FGF12: variants seen among roughly 807,000 people sequenced by gnomAD.
FGF12 encodes fibroblast growth factor 12B.
Under a neutral mutation model 23.6 loss-of-function variants are expected in FGF12, and 14 were observed. The observed-to-expected ratio is 0.59, with a 90% CI of 0.39 to 0.93. The LOEUF is 0.93. Ranked by LOEUF, FGF12 falls within the 40% of genes least tolerant of loss-of-function variation. The pLI is 0.00. For synonymous variants in FGF12, 62 were observed against 77.3 expected, an observed-to-expected ratio of 0.80 and a Z score of 1.04; for missense variants, 175 against 217.8, an observed-to-expected ratio of 0.80 and a Z score of 1.24.
At chr3:192,172,384 C>A (rs917472990) in intron 4 of FGF12, among the ~76,000 whole-genome samples, 1 of 147,600 alleles carries the variant, frequency 6.8e-6, no homozygotes, top group African/African-American at 2.6e-5. Flanking sequence ...TGAAATGGAT[C>A]TCAACCCCCC....
At chr3:192,379,421 TA>T (rs74271639) in intron 2 of FGF12, among the ~76,000 whole-genome samples, 18,690 of 96,228 alleles carry the variant, frequency 0.19, 1,196 homozygotes, top group Middle Eastern at 0.27. Flanking sequence ...GAAACTGCTC[TA>T]AAAAAAAAAA....
chr3:192,350,899 C>T (rs1303608276), intron 3 of FGF12, among the ~76,000 whole-genome samples: 2 of 152,144 alleles, frequency 1.3e-5, no homozygotes, highest in Non-Finnish European at 2.9e-5. Flanking sequence ...TAGGCTGATG[C>T]GGGGAAGCTT....
At chr3:192,623,778 T>G (rs934879820) in intron 2 of FGF12, among the ~76,000 whole-genome samples, 1 of 152,182 alleles carries the variant, frequency 6.6e-6, no homozygotes, top group African/African-American at 2.4e-5. Context: ...CTTCACCAAC[T>G]TCACCTCTCT....
At chr3:192,645,763 C>G (rs1175212643) in intron 2 of FGF12, among the ~76,000 whole-genome samples, 1 of 26,894 alleles carries the variant, frequency 3.7e-5, no homozygotes, top group Non-Finnish European at 7.4e-5. Flanking sequence ...GTTGACAAAA[C>G]AGGTAAAAAA....
At chr3:192,270,625 T>A (rs1224541132) in intron 4 of FGF12, among the ~76,000 whole-genome samples, 1 of 152,154 alleles carries the variant, frequency 6.6e-6, no homozygotes, top group African/African-American at 2.4e-5. Context: ...ACGTTATGTA[T>A]CCTTCACTAT....
chr3:192,560,878 G>A (rs1453832224), intron 2 of FGF12, among the ~76,000 whole-genome samples: 2 of 152,126 alleles, frequency 1.3e-5, no homozygotes, highest in African/African-American at 4.8e-5. Flanking sequence ...AGATGTGAAA[G>A]AGTAATAAAA....
intron 4 of FGF12, among the ~76,000 whole-genome samples, chr3:192,288,121 C>T (rs772424868): frequency 2.5e-4 from 38 of 152,140 alleles, no homozygotes; most frequent in Non-Finnish European, 5.0e-4. Context: ...ATAGGCATAA[C>T]TTTGGGTAGA....
chr3:192,460,682 T>TTTTA (rs150219051), intron 2 of FGF12, among the ~76,000 whole-genome samples: 4 of 142,444 alleles, frequency 2.8e-5, no homozygotes, highest in South Asian at 4.5e-4. Context: ...ACACATATAT[T>TTTTA]TATATATATA....
At chr3:192,328,622 G>C (rs965773634) in intron 4 of FGF12, among the ~76,000 whole-genome samples, 2 of 152,144 alleles carry the variant, frequency 1.3e-5, no homozygotes, top group Non-Finnish European at 2.9e-5. Context: ...ATGGTTTTCA[G>C]TGAGGTCTGT....
At chr3:192,687,576 G>A (rs760308294) in intron 2 of FGF12, among the ~76,000 whole-genome samples, 7 of 152,070 alleles carry the variant, frequency 4.6e-5, no homozygotes, top group Non-Finnish European at 5.9e-5. Flanking sequence ...AAGGAGCTCC[G>A]GCCCAGGGGC....
chr3:192,439,763 T>C (rs908155819), intron 2 of FGF12, among the ~76,000 whole-genome samples: 79 of 151,770 alleles, frequency 5.2e-4, no homozygotes, highest in African/African-American at 1.9e-3. Flanking sequence ...AATCACAAGG[T>C]CAGGAGTTCA....
chr3:192,407,920 TAA>T, intron 2 of FGF12: 1 of 1,243,922 alleles, frequency 8.0e-7, no homozygotes, highest in East Asian at 2.4e-5. Flanking sequence ...GGTCAGAATG[TAA>T]AAGAGGAATC....
Position 192,409,520 on chromosome 3 carries a change from G to T in FGF12, c.14-48982C>A, listed in dbSNP as rs532988754. On this transcript the variant is annotated intron_variant, in intron 2 of 5. Coordinates refer to ENST00000445105, the MANE Select transcript of FGF12 (RefSeq NM_004113.6). The surrounding 1 kb of genome is among the most constrained non-coding windows in gnomAD (Gnocchi z 4.8). ...GGCAGTCAGCAGCTCACAGGCAGCA[G>T]ATCAGATGGGGATTACCCGCCGGAC... 6.0e-4 allele frequency among the ~76,000 whole-genome samples: 92 copies of T among 152,220 alleles called. No individual in the cohort carries two copies. Among genetic ancestry groups the T allele is most frequent in the Non-Finnish European group, 1.1e-3 (74 of 68,034 alleles).
At chr3:192,227,157 A>G (rs185513021) in intron 4 of FGF12, among the ~76,000 whole-genome samples, 3 of 152,312 alleles carry the variant, frequency 2.0e-5, no homozygotes, top group East Asian at 1.9e-4. Flanking sequence ...AGCGGCTCAA[A>G]CAGACTTAAA....
At chr3:192,698,195 A>C (rs1252220323) in intron 2 of FGF12, among the ~76,000 whole-genome samples, 1 of 152,212 alleles carries the variant, frequency 6.6e-6, no homozygotes, top group Non-Finnish European at 1.5e-5. Flanking sequence ...TTAATGAATT[A>C]ACTAATCAAT....
Position 192,242,422 on chromosome 3 carries a change from G to T in FGF12, c.229-71766C>A, listed in dbSNP as rs187421977. Among the ~76,000 whole-genome samples the T allele has an allele frequency of 1.2e-4, 18 of 152,164 alleles. No individual in the cohort carries two copies. The East Asian group carries it at 3.3e-3, about 28-fold the overall frequency. On this transcript the variant is annotated intron_variant, in intron 4 of 5. Transcript: ENST00000445105. ...AACATTGCCAATTTTCCCCTTGGGG[G>T]TATCAAAATTGTTCCAATTGAGAAC...
chr3:192,587,999 G>T (rs2108619464), intron 2 of FGF12, among the ~76,000 whole-genome samples: 1 of 151,740 alleles, frequency 6.6e-6, no homozygotes, highest in Non-Finnish European at 1.5e-5. Context: ...GACTTTCTTT[G>T]ATCATCTATG....
intron 2 of FGF12, among the ~76,000 whole-genome samples, chr3:192,635,878 C>A (rs115150075): frequency 0.013 from 1,917 of 152,166 alleles, 17 homozygotes; most frequent in Non-Finnish European, 0.017. Flanking sequence ...CATGATCAGA[C>A]CTTAAAGATC....
chr3:192,528,227 G>T (rs1381792579), intron 2 of FGF12, among the ~76,000 whole-genome samples: 1 of 152,166 alleles, frequency 6.6e-6, no homozygotes, highest in Non-Finnish European at 1.5e-5. Context: ...TTACTTCCAA[G>T]ATACAATGAG....
Sources: allele counts gnomAD v4.1 joint callset (sites outside exome capture counted in the v4.1 genomes callset), GRCh38; gene constraint gnomAD v4.1.1; non-coding constraint Gnocchi (gnomAD v3.1); transcripts MANE v1.5; gene names NCBI Gene and HGNC (gene_info 2026-07-23, HGNC 2026-07-21).